The following PTPRD variants were observed in gnomAD, a reference collection of about 807,000 sequenced individuals.
The protein encoded by PTPRD is receptor-type tyrosine-protein phosphatase delta.
Under a neutral mutation model 214.5 loss-of-function variants are expected in PTPRD, and 34 were observed. That is an observed-to-expected ratio of 0.16 (90% CI 0.12 to 0.21). The LOEUF is 0.21. PTPRD is among the 10% of genes least tolerant of loss of function. The probability of loss-of-function intolerance (pLI) is 1.00; values close to 1 mark genes in which losing one functional copy is unlikely to be tolerated. For synonymous variants in PTPRD, 1,128 were observed against 845.7 expected (o/e 1.33, Z -5.79); for missense variants, 2,545 against 2,398.7 (o/e 1.06, Z -1.27).
intron 2 of PTPRD, among the ~76,000 whole-genome samples, chr9:10,477,766 G>A (rs1244913602): frequency 6.6e-6 from 1 of 152,088 alleles, no homozygotes; most frequent in African/African-American, 2.4e-5. Context: ...TAAAGATAAT[G>A]TGACACATAT....
At chr9:8,686,328 C>G (rs1001481694) in intron 12 of PTPRD, among the ~76,000 whole-genome samples, 3 of 152,172 alleles carry the variant, frequency 2.0e-5, no homozygotes, top group African/African-American at 7.2e-5. Context: ...AACTTGGAAT[C>G]TGAGTTCATG....
At chr9:9,052,490 T>C (rs1481933200) in intron 10 of PTPRD, among the ~76,000 whole-genome samples, 1 of 152,184 alleles carries the variant, frequency 6.6e-6, no homozygotes, top group Non-Finnish European at 1.5e-5. Context: ...TAAAGTGTTG[T>C]TCAATGTATG....
At chr9:9,073,299 T>G (rs558478538) in intron 10 of PTPRD, among the ~76,000 whole-genome samples, 3 of 152,334 alleles carry the variant, frequency 2.0e-5, no homozygotes, top group Admixed American at 2.0e-4. Context: ...TCGAATCAGA[T>G]GATCTGGCTT....
chr9:10,216,893 C>G (rs879462276), intron 3 of PTPRD, among the ~76,000 whole-genome samples: 4 of 151,936 alleles, frequency 2.6e-5, no homozygotes, highest in Admixed American at 2.6e-4. Context: ...TTTCTGTCTT[C>G]CATGGGGATG....
intron 3 of PTPRD, among the ~76,000 whole-genome samples, chr9:10,092,449 G>C (rs2098441711): frequency 6.6e-6 from 1 of 151,418 alleles, no homozygotes; most frequent in African/African-American, 2.4e-5. Context: ...GAGAAAATTT[G>C]GAAATGGTTT....
chr9:8,731,301 A>G (rs758070370), intron 12 of PTPRD, among the ~76,000 whole-genome samples: 9 of 152,216 alleles, frequency 5.9e-5, no homozygotes, highest in Admixed American at 6.5e-5. Context: ...AAAGGAGGAC[A>G]AACATTTGAA....
chr9:10,319,585 A>G (rs1371452501), intron 3 of PTPRD, among the ~76,000 whole-genome samples: 2 of 152,072 alleles, frequency 1.3e-5, no homozygotes, highest in Admixed American at 6.6e-5. Context: ...AAAGAGAGTC[A>G]CACCTTAACA....
intron 8 of PTPRD, among the ~76,000 whole-genome samples, chr9:9,523,436 G>A (rs907337639): frequency 3.9e-5 from 6 of 152,054 alleles, no homozygotes; most frequent in Admixed American, 3.3e-4. Context: ...TTTGCTGAGG[G>A]CATTTTAGTA....
intron 43 of PTPRD, among the ~76,000 whole-genome samples, chr9:8,336,215 A>G (rs959768685): frequency 6.7e-5 from 10 of 149,302 alleles, no homozygotes; most frequent in African/African-American, 2.6e-4. Context: ...ACAAGGCTAC[A>G]GTAACCAAAA....
chr9:10,517,185 A>G (rs2050422390), intron 2 of PTPRD, among the ~76,000 whole-genome samples: 2 of 152,018 alleles, frequency 1.3e-5, no homozygotes, highest in South Asian at 4.1e-4. Context: ...AGTATCCAGT[A>G]TCCCAATTCA....
chr9:10,437,468 A>T (rs2098727489), intron 2 of PTPRD, among the ~76,000 whole-genome samples: 1 of 151,814 alleles, frequency 6.6e-6, no homozygotes, highest in East Asian at 1.9e-4. Flanking sequence ...TTAGCACAGA[A>T]CATTAATCCA....
chr9:9,196,399 CAGTATCTCTGCCATGATATACCTTTTA>C (rs538170102), intron 9 of PTPRD, among the ~76,000 whole-genome samples: 1 of 152,254 alleles, frequency 6.6e-6, no homozygotes, highest in African/African-American at 2.4e-5. Flanking sequence ...ATGAACAACA[CAGTATCTCTGCCATGATATACCTTTTA>C]ATTTAATGGA....
intron 12 of PTPRD, among the ~76,000 whole-genome samples, chr9:8,647,162 C>T (rs1045681999): frequency 2.6e-5 from 4 of 152,132 alleles, no homozygotes; most frequent in East Asian, 3.8e-4. Flanking sequence ...CATAATATAA[C>T]GTGATGAGTC....
At chr9:9,245,382 A>G (rs1456327560) in intron 9 of PTPRD, among the ~76,000 whole-genome samples, 1 of 152,156 alleles carries the variant, frequency 6.6e-6, no homozygotes, top group Non-Finnish European at 1.5e-5. Context: ...ATTTCCAACA[A>G]TGATAGACTG....
chr9:10,079,300 C>A (rs1373554239), intron 3 of PTPRD, among the ~76,000 whole-genome samples: 8 of 152,088 alleles, frequency 5.3e-5, no homozygotes, highest in Admixed American at 5.2e-4. Context: ...CTTTACTCTT[C>A]CAGATGGCAA....
intron 11 of PTPRD, among the ~76,000 whole-genome samples, chr9:8,772,403 A>G (rs1297398942): frequency 6.6e-6 from 1 of 152,116 alleles, no homozygotes; most frequent in African/African-American, 2.4e-5. Flanking sequence ...AAAGAAGTAC[A>G]GTTAAAAACC....
chr9:10,037,404 C>A (rs972706643), intron 3 of PTPRD, among the ~76,000 whole-genome samples: 7 of 152,062 alleles, frequency 4.6e-5, no homozygotes, highest in Admixed American at 4.6e-4. Flanking sequence ...CACCTCTCTG[C>A]ACCCTTCCTC....
intron 11 of PTPRD, among the ~76,000 whole-genome samples, chr9:8,929,257 G>T (rs371629337): frequency 6.6e-6 from 1 of 152,088 alleles, no homozygotes; most frequent in African/African-American, 2.4e-5. Context: ...GGGCATCCTT[G>T]TCTTGTGCCG....
intron 10 of PTPRD, among the ~76,000 whole-genome samples, chr9:9,098,463 G>C (rs1455472076): frequency 1.3e-5 from 2 of 152,020 alleles, no homozygotes; most frequent in Non-Finnish European, 2.9e-5. Flanking sequence ...TGGCCAGTCT[G>C]GTGTCGAACT....
Sources: allele counts gnomAD v4.1 joint callset (sites outside exome capture counted in the v4.1 genomes callset), GRCh38; gene constraint gnomAD v4.1.1; transcripts MANE v1.5; gene names NCBI Gene and HGNC (gene_info 2026-07-23, HGNC 2026-07-21).